SPTLC2: variants seen among roughly 807,000 people sequenced by gnomAD.
SPTLC2 encodes serine palmitoyltransferase long chain base subunit 2, also known as serine palmitoyltransferase 2.
A neutral mutation model predicts 62.0 loss-of-function variants in SPTLC2; 21 were observed. That is an observed-to-expected ratio of 0.34 (90% CI 0.24 to 0.49). SPTLC2 has a LOEUF of 0.49. Among genes scored for constraint, SPTLC2 ranks in the 20% least tolerant of loss-of-function variants. The pLI is 0.99. For synonymous variants in SPTLC2, 261 were observed against 261.8 expected, an observed-to-expected ratio of 1.00 and a Z score of 0.03; for missense variants, 511 against 713.0, an observed-to-expected ratio of 0.72 and a Z score of 3.23.
intron 6 of SPTLC2, among the ~76,000 whole-genome samples, chr14:77,561,768 T>C (rs1023040211): frequency 3.3e-5 from 5 of 152,216 alleles, no homozygotes; most frequent in African/African-American, 9.6e-5. Flanking sequence ...ACCTAACATT[T>C]TGGTATACAT....
At chr14:77,530,634 G>T (rs560664676) in intron 9 of SPTLC2, among the ~76,000 whole-genome samples, 1 of 152,304 alleles carries the variant, frequency 6.6e-6, no homozygotes, top group South Asian at 2.1e-4. Context: ...AGGAAGAACA[G>T]ACTTAGTAGG....
chr14:77,576,737 A>C (rs372310503), intron 4 of SPTLC2, 30 bp downstream of exon 4: 4 of 1,614,180 alleles, frequency 2.5e-6, no homozygotes, highest in Non-Finnish European at 3.4e-6. Context: ...TGTCAAAAAC[A>C]GCAGCTGGCC....
chr14:77,612,521 A>C (rs1189569172), intron 1 of SPTLC2, among the ~76,000 whole-genome samples: 10 of 152,236 alleles, frequency 6.6e-5, no homozygotes. Flanking sequence ...TGTAAATTAC[A>C]TTATTTCTGA....
At chr14:77,522,226 C>G (rs1387362212) in intron 9 of SPTLC2, among the ~76,000 whole-genome samples, 1 of 151,832 alleles carries the variant, frequency 6.6e-6, no homozygotes, top group Non-Finnish European at 1.5e-5. Context: ...TGCAACGGCA[C>G]GATCTTGGCT....
At position 77,509,667 on chromosome 14, in the gene SPTLC2, C is replaced by A; in HGVS notation, c.*2617G>T. The A allele has an allele frequency of 2.6e-6, 1 of 384,710 alleles. No homozygotes were observed. The highest frequency in any genetic ancestry group is 4.6e-6 in the Non-Finnish European group (1 of 217,822). 23.8% of individuals were successfully genotyped at this position (384,710 alleles called of 1,614,324 possible). On this transcript the variant is annotated 3_prime_UTR_variant, in exon 12 of 12. Coordinates refer to ENST00000216484, the MANE Select transcript of SPTLC2 (RefSeq NM_004863.4). ...TGTATTTATATATACTTGTATTCCT[C>A]CAAGTACTTGGATAAATGATGATAC...
intron 9 of SPTLC2, chr14:77,535,963 G>T (rs1448998620): frequency 2.2e-6 from 1 of 455,312 alleles, no homozygotes; most frequent in Admixed American, 2.4e-5. Context: ...ACGATGATAG[G>T]TATTTCTTGT....
In SPTLC2 at chr14:77,546,826, T is replaced by C. The variant is rs1354731111; in HGVS notation, c.1303+5270A>G. On this transcript the variant is annotated intron_variant, in intron 9 of 11. Coordinates refer to ENST00000216484, the MANE Select transcript of SPTLC2 (RefSeq NM_004863.4). The stretch of plus-strand genomic sequence containing the variant: ...TCTCAGCTCACCGCAACCTCCTGTG[T>C]TCAAGCAATTCTCCTGCCTCAGCCT... Among the ~76,000 whole-genome samples, 4 of 152,102 alleles carry C rather than the reference T, an allele frequency of 2.6e-5. No individual in the cohort carries two copies. The East Asian group carries it at 7.7e-4, about 29-fold the overall frequency.
At chr14:77,524,439 TA>T (rs58888508) in intron 9 of SPTLC2, among the ~76,000 whole-genome samples, 5,960 of 133,542 alleles carry the variant, frequency 0.045, 278 homozygotes, top group African/African-American at 0.13. Context: ...TAGCCTCTGT[TA>T]AAAAAAAAAA....
At chr14:77,551,568 T>C (rs911076843) in intron 9 of SPTLC2, among the ~76,000 whole-genome samples, 1 of 152,186 alleles carries the variant, frequency 6.6e-6, no homozygotes, top group East Asian at 1.9e-4. Flanking sequence ...AAGTGAACAC[T>C]GAACTTCACT....
rs187903359 is a variant in SPTLC2, at chr14:77,515,661, C to T, written c.1569+2377G>A. 5.7e-4 allele frequency among the ~76,000 whole-genome samples: 86 copies of T among 149,708 alleles called. 1 individual carries two copies. Among genetic ancestry groups the T allele is most frequent in the African/African-American group, 1.8e-3 (72 of 40,134 alleles). On this transcript the variant is annotated intron_variant, in intron 11 of 11. Coordinates refer to ENST00000216484, the MANE Select transcript of SPTLC2 (RefSeq NM_004863.4). Reference sequence around the variant, plus strand: ...GCCTCCCAGATTCAAGTGGTTCTTCCGCCTCAGTCTCCCGAGTAGCTGGGA... The same window carrying T: ...GCCTCCCAGATTCAAGTGGTTCTTCTGCCTCAGTCTCCCGAGTAGCTGGGA...
chr14:77,559,463 A>G (rs941735306), intron 6 of SPTLC2, among the ~76,000 whole-genome samples: 1 of 152,232 alleles, frequency 6.6e-6, no homozygotes, highest in Non-Finnish European at 1.5e-5. Flanking sequence ...AGAAAACATG[A>G]AAGAATAACA....
rs911752624 is a variant in SPTLC2, at chr14:77,508,305, C to T, written c.*3979G>A. ...CTACTCTCACCTCTTTTTCTAAGCA[C>T]ACGGTTATAGCAAGTAGAGATTAAA... On this transcript the variant is annotated 3_prime_UTR_variant, in exon 12 of 12. Coordinates refer to ENST00000216484, the MANE Select transcript of SPTLC2 (RefSeq NM_004863.4). The T allele has an allele frequency of 6.6e-6, 1 of 152,212 alleles. No individual in the cohort carries two copies. The highest frequency in any genetic ancestry group is 2.4e-5 in the African/African-American group (1 of 41,458). The allele number at this position is 152,212 out of a possible 1,614,324, so 9.4% of individuals were successfully genotyped here. A position where few individuals can be genotyped will look rare whatever the true frequency, so the allele number is the denominator to read the frequency against.
At chr14:77,600,662 A>G (rs1043301301) in intron 1 of SPTLC2, among the ~76,000 whole-genome samples, 1 of 152,360 alleles carries the variant, frequency 6.6e-6, no homozygotes, top group East Asian at 1.9e-4. Context: ...GTCTGTTCAC[A>G]TTAAGCAAAC....
chr14:77,582,802 A>G (rs2140044090), intron 2 of SPTLC2, among the ~76,000 whole-genome samples: 1 of 152,296 alleles, frequency 6.6e-6, no homozygotes, highest in East Asian at 1.9e-4. Flanking sequence ...GGTGGCATAG[A>G]ATGGTAGGAG....
At chr14:77,597,043 G>T in intron 2 of SPTLC2, 143 bp downstream of exon 2, 1 of 798,892 alleles carries the variant, frequency 1.3e-6, no homozygotes, top group Non-Finnish European at 2.0e-6. Context: ...AGCTTTCTTT[G>T]TAGAATGTTT....
At chr14:77,524,222 G>A (rs534102128) in intron 9 of SPTLC2, among the ~76,000 whole-genome samples, 12 of 152,244 alleles carry the variant, frequency 7.9e-5, no homozygotes, top group African/African-American at 2.6e-4. Flanking sequence ...AAGACATACT[G>A]TAATGACAGA....
At chr14:77,525,403 C>T (rs2079404169) in intron 9 of SPTLC2, among the ~76,000 whole-genome samples, 1 of 150,794 alleles carries the variant, frequency 6.6e-6, no homozygotes, top group Non-Finnish European at 1.5e-5. Context: ...AGTAGCCTGA[C>T]CAAATGGAGA....
chr14:77,564,474 C>T lies in SPTLC2; in HGVS notation c.757-1985G>A, dbSNP rs200356176. Among the ~76,000 whole-genome samples the T allele has an allele frequency of 6.0e-4, 91 of 150,820 alleles. 1 individual carries two copies. In the East Asian group the frequency reaches 0.016, roughly 27 times the overall value. On this transcript the variant is annotated intron_variant, in intron 5 of 11. Coordinates refer to ENST00000216484, the MANE Select transcript of SPTLC2 (RefSeq NM_004863.4). ...ACAGATGTGTGTGTATGCATGAGTT[C>T]GCATATATACATACATTTTCTAGCT...
chr14:77,565,583 G>A (rs2079640661), intron 5 of SPTLC2, among the ~76,000 whole-genome samples: 1 of 152,096 alleles, frequency 6.6e-6, no homozygotes, highest in Admixed American at 6.6e-5. Flanking sequence ...CAACACAACA[G>A]ACAGACCCAA....
Sources: gnomAD v4.1 joint callset for allele counts (sites outside exome capture counted in the v4.1 genomes callset) on GRCh38, gnomAD v4.1.1 for gene constraint, MANE v1.5 for transcripts, NCBI Gene and HGNC (gene_info 2026-07-23, HGNC 2026-07-21) for gene names.